The following PAM variants were observed in gnomAD, a reference collection of about 807,000 sequenced individuals.
PAM encodes peptidyl-glycine alpha-amidating monooxygenase.
Under a neutral mutation model 122.1 loss-of-function variants are expected in PAM, and 72 were observed. The ratio of observed to expected loss-of-function variants is 0.59; its 90% CI spans 0.49 to 0.72. The LOEUF is 0.72. PAM is among the 30% of genes least tolerant of loss of function. PAM has a pLI of 0.00. For synonymous variants in PAM, 389 were observed against 404.4 expected (o/e 0.96, Z 0.46); for missense variants, 1,106 against 1,183.7 (o/e 0.93, Z 0.96).
chr5:102,778,961 A>G (rs1276153916), intron 1 of PAM, among the ~76,000 whole-genome samples: 1 of 152,188 alleles, frequency 6.6e-6, no homozygotes, highest in Non-Finnish European at 1.5e-5. Context: ...AGAATAGAAT[A>G]GAATTATCTG....
rs201670392 is a variant in PAM, at chr5:102,913,948, C to G, written c.283C>G (p.Arg95Gly). The G allele has an allele frequency of 2.5e-6, 4 of 1,602,978 alleles. No individual in the cohort carries two copies. The highest frequency in any genetic ancestry group is 3.4e-6 in the Non-Finnish European group (4 of 1,170,254). Residue 95 changes from arginine to glycine, a missense_variant, in exon 5 of 26, where the codon CGA becomes GGA. Physicochemically the swap from Arg to Gly is moderately radical, Grantham distance 125. Coordinates refer to ENST00000438793, the MANE Select transcript of PAM (RefSeq NM_001177306.2). ...TCTCGTAACAGTTGACTTCAAGCCTCGAGCCAGCATGGATACTGTCCATCA... is the reference window on the plus strand; with the variant it reads ...TCTCGTAACAGTTGACTTCAAGCCTGGAGCCAGCATGGATACTGTCCATCA... ...EEAFVIDFKP[R>G]ASMDTVHHML...
At chr5:102,879,371 A>C (rs1412599317) in intron 3 of PAM, among the ~76,000 whole-genome samples, 1 of 152,150 alleles carries the variant, frequency 6.6e-6, no homozygotes, top group Admixed American at 6.5e-5. Flanking sequence ...AGCTGCATTC[A>C]TAGTAAGTAC....
chr5:103,007,262 C>T (rs540504606), intron 19 of PAM, among the ~76,000 whole-genome samples, 195 bp from the exon 20 acceptor site: 9 of 151,348 alleles, frequency 5.9e-5, no homozygotes, highest in African/African-American at 1.9e-4. Flanking sequence ...AACAACTATC[C>T]AAATAGGGAG....
chr5:102,757,742 G>C (rs1170013787), intron 1 of PAM, among the ~76,000 whole-genome samples: 1 of 152,086 alleles, frequency 6.6e-6, no homozygotes, highest in East Asian at 1.9e-4. Context: ...GACTTTAAAA[G>C]TTACGAGACT....
At chr5:102,878,537 C>CA (rs1213565801) in intron 3 of PAM, among the ~76,000 whole-genome samples, 1 of 152,042 alleles carries the variant, frequency 6.6e-6, no homozygotes, top group Non-Finnish European at 1.5e-5. Flanking sequence ...GAGCCTCCAG[C>CA]AGGTCCTTCA....
At chr5:102,912,411 A>G (rs1052402102) in intron 4 of PAM, among the ~76,000 whole-genome samples, 2 of 152,034 alleles carry the variant, frequency 1.3e-5, no homozygotes, top group African/African-American at 4.8e-5. Context: ...ATCACATACC[A>G]AAATAAAATC....
chr5:102,796,834 C>A (rs1763494200), intron 1 of PAM, among the ~76,000 whole-genome samples: 1 of 152,082 alleles, frequency 6.6e-6, no homozygotes, highest in African/African-American at 2.4e-5. Flanking sequence ...ATAGATATTA[C>A]CTGTGTCATA....
At chr5:102,866,507 T>C in intron 2 of PAM, 1 of 554,542 alleles carries the variant, frequency 1.8e-6, no homozygotes, top group Admixed American at 3.1e-5. Context: ...AGTTGTGATT[T>C]CCAAAACTAA....
intron 4 of PAM, among the ~76,000 whole-genome samples, chr5:102,901,905 A>G (rs1022086099): frequency 1.3e-5 from 2 of 151,590 alleles, no homozygotes; most frequent in African/African-American, 4.8e-5. Flanking sequence ...AAGAAATGGA[A>G]GAAAGAACAT....
chr5:102,985,348 CAAAT>C (rs933887405), intron 15 of PAM, among the ~76,000 whole-genome samples: 2 of 151,656 alleles, frequency 1.3e-5, no homozygotes, highest in Non-Finnish European at 2.9e-5. Context: ...AGGGAAGATT[CAAAT>C]AAATAAAATC....
intron 7 of PAM, among the ~76,000 whole-genome samples, chr5:102,932,959 A>G (rs1020607967): frequency 6.6e-6 from 1 of 152,162 alleles, no homozygotes; most frequent in Non-Finnish European, 1.5e-5. Context: ...TCAAGCTACC[A>G]TTGCAACTCA....
At chr5:102,998,351 T>A (rs1320609317) in intron 16 of PAM, among the ~76,000 whole-genome samples, 3 of 152,206 alleles carry the variant, frequency 2.0e-5, no homozygotes, top group Non-Finnish European at 2.9e-5. Context: ...TTTGTCATTC[T>A]GCAGAGAGGG....
In PAM at chr5:102,812,523, T is replaced by C. The variant is rs185793177; in HGVS notation, c.-373-53300T>C. 9.8e-5 allele frequency among the ~76,000 whole-genome samples: 15 copies of C among 152,310 alleles called. No individual in the cohort carries two copies. The East Asian group carries it at 2.5e-3, about 25-fold the overall frequency. On this transcript the variant is annotated intron_variant, in intron 1 of 25. Coordinates refer to ENST00000438793, the MANE Select transcript of PAM (RefSeq NM_001177306.2). ...TGTTTTCCTACACATATTCTTTTTT[T>C]ATTTTTGGAATCATTTCCTGGAGAA...
At chr5:102,836,650 A>T (rs115240829) in intron 1 of PAM, among the ~76,000 whole-genome samples, 3 of 152,068 alleles carry the variant, frequency 2.0e-5, no homozygotes, top group African/African-American at 7.2e-5. Flanking sequence ...TTTTTAGGTG[A>T]ACTACTGTTT....
Position 102,946,855 on chromosome 5 carries a change from C to T in PAM, c.545C>T (p.Ser182Phe), listed in dbSNP as rs762490535. 1 of 1,599,436 alleles carries T rather than the reference C, an allele frequency of 6.3e-7. No individual in the cohort carries two copies. The highest frequency in any genetic ancestry group is 2.2e-5 in the East Asian group (1 of 44,774). Residue 182 changes from serine (S) to phenylalanine (F), a missense_variant, in exon 8 of 26, where the codon TCT becomes TTT. Coordinates refer to ENST00000438793, the MANE Select transcript of PAM (RefSeq NM_001177306.2). Reference sequence around the variant, plus strand: ...TTTTCAGATAATAACAAGGACTGTTCTGGTGTGTCCTTACACCTCACACGT... The same window carrying T: ...TTTTCAGATAATAACAAGGACTGTTTTGGTGTGTCCTTACACCTCACACGT... ...SAFRDNNKDC[S>F]GVSLHLTRLP...
At chr5:102,906,203 A>G (rs548209091) in intron 4 of PAM, among the ~76,000 whole-genome samples, 1 of 151,828 alleles carries the variant, frequency 6.6e-6, no homozygotes, top group Non-Finnish European at 1.5e-5. Context: ...GGTACATCTA[A>G]TGATCACCAA....
At chr5:103,003,955 C>CAAA (rs35343295) in intron 17 of PAM, among the ~76,000 whole-genome samples, 1 of 127,962 alleles carries the variant, frequency 7.8e-6, no homozygotes. Flanking sequence ...ACTTGGCAGC[C>CAAA]AAAAAAAAAA....
At position 102,978,844 on chromosome 5, in the gene PAM, A is replaced by C. The variant is rs184679615; in HGVS notation, c.1483+4408A>C. On this transcript the variant is annotated intron_variant, in intron 15 of 25. Coordinates refer to ENST00000438793, the MANE Select transcript of PAM (RefSeq NM_001177306.2). ...GGAGGAGAATGGTTAAAAAAAAAAA[A>C]ACACCTATACATAGCACTTACTTTG... Among the ~76,000 whole-genome samples the C allele has an allele frequency of 2.1e-3, 319 of 152,060 alleles. 1 individual carries two copies. Among genetic ancestry groups the C allele is most frequent in the Admixed American group, 3.3e-3 (50 of 15,250 alleles).
chr5:102,889,696 T>C (rs1794202934), intron 3 of PAM, among the ~76,000 whole-genome samples: 2 of 151,980 alleles, frequency 1.3e-5, no homozygotes, highest in Admixed American at 1.3e-4. Context: ...CTTGTGTCTC[T>C]GACTCTGCAT....
Sources: gnomAD v4.1 joint callset for allele counts (sites outside exome capture counted in the v4.1 genomes callset) on GRCh38, gnomAD v4.1.1 for gene constraint, MANE v1.5 for transcripts, NCBI Gene and HGNC (gene_info 2026-07-23, HGNC 2026-07-21) for gene names.